Variants in RFX3 observed in about 807,000 individuals in gnomAD.
RFX3 encodes regulatory factor X3, also known as transcription factor RFX3.
A neutral mutation model predicts 98.6 loss-of-function variants in RFX3; 14 were observed. The ratio of observed to expected loss-of-function variants is 0.14; its 90% CI spans 0.09 to 0.22. The LOEUF is 0.22. Ranked by LOEUF, RFX3 falls within the 10% of genes least tolerant of loss-of-function variation. The probability of loss-of-function intolerance (pLI) is 1.00; values close to 1 mark genes in which losing one functional copy is unlikely to be tolerated. For synonymous variants in RFX3, 383 were observed against 328.4 expected, an observed-to-expected ratio of 1.17 and a Z score of -1.80; for missense variants, 639 against 926.9, an observed-to-expected ratio of 0.69 and a Z score of 4.03.
At chr9:3,338,828 G>A (rs943056179) in intron 3 of RFX3, among the ~76,000 whole-genome samples, 5 of 152,150 alleles carry the variant, frequency 3.3e-5, no homozygotes, top group African/African-American at 4.8e-5. Flanking sequence ...GGTGGCTCAC[G>A]CCTGTAATCT....
rs975244157 is a variant in RFX3 at position 3,224,549 on chromosome 9, A to C, written c.*493T>G. On this transcript the variant is annotated 3_prime_UTR_variant, in exon 17 of 17. Coordinates refer to ENST00000617270, the MANE Select transcript of RFX3 (RefSeq NM_001282116.2). ...CAAAATGTTATCAAAATAGTGTCTT[A>C]TGGTTCTGTCCAATGAAAAGCACCT... is the stretch of plus-strand genomic sequence containing the variant. The C allele has an allele frequency of 3.8e-5, 6 of 158,376 alleles. No homozygotes were observed. Among genetic ancestry groups the C allele is most frequent in the Non-Finnish European group, 8.4e-5 (6 of 71,650 alleles). 9.8% of individuals were successfully genotyped at this position (158,376 alleles called of 1,614,324 possible).
chr9:3,449,649 C>A (rs1846388850), intron 1 of RFX3, among the ~76,000 whole-genome samples: 1 of 152,060 alleles, frequency 6.6e-6, no homozygotes, highest in Non-Finnish European at 1.5e-5. Context: ...CTCAGGAGTT[C>A]AAGACCAGCC....
At chr9:3,299,207 C>T (rs909995172) in intron 5 of RFX3, among the ~76,000 whole-genome samples, 2 of 151,634 alleles carry the variant, frequency 1.3e-5, no homozygotes, top group African/African-American at 4.8e-5. Context: ...AACATAAAAA[C>T]ACCAGTTAAA....
intron 3 of RFX3, among the ~76,000 whole-genome samples, chr9:3,332,845 G>T (rs774031665): frequency 1.3e-5 from 2 of 152,104 alleles, no homozygotes; most frequent in African/African-American, 2.4e-5. Context: ...TGCCTGAAAG[G>T]CCCTTTCATT....
intron 16 of RFX3, among the ~76,000 whole-genome samples, chr9:3,225,630 C>T (rs1817677105): frequency 6.6e-6 from 1 of 152,066 alleles, no homozygotes; most frequent in African/African-American, 2.4e-5. Context: ...GTATGTTATG[C>T]TGGCTTTTGG....
chr9:3,514,880 T>G (rs2133867277), intron 1 of RFX3, among the ~76,000 whole-genome samples: 1 of 152,336 alleles, frequency 6.6e-6, no homozygotes, highest in African/African-American at 2.4e-5. Context: ...ATATTGTGCT[T>G]TTAAAGTTGT....
chr9:3,352,299 C>T (rs1835242210), intron 2 of RFX3, among the ~76,000 whole-genome samples: 1 of 151,772 alleles, frequency 6.6e-6, no homozygotes, highest in African/African-American at 2.4e-5. Flanking sequence ...TATGTGTATA[C>T]AAATTCATAT....
intron 1 of RFX3, among the ~76,000 whole-genome samples, chr9:3,478,947 T>C (rs1849505219): frequency 6.6e-6 from 1 of 152,138 alleles, no homozygotes; most frequent in Non-Finnish European, 1.5e-5. Context: ...TCAAATCAAA[T>C]ATCCAGCCAC....
chr9:3,394,674 G>A (rs143368172), intron 2 of RFX3: 5,060 of 225,022 alleles, frequency 0.022, 108 homozygotes, highest in African/African-American at 0.06. Context: ...ATTTATAATT[G>A]TAAGAGCAAC....
intron 1 of RFX3, among the ~76,000 whole-genome samples, chr9:3,522,845 T>C (rs902189011): frequency 1.3e-5 from 2 of 152,206 alleles, no homozygotes; most frequent in African/African-American, 4.8e-5. Flanking sequence ...CTATTGTTAA[T>C]GGTAAAAAAA....
chr9:3,264,747 G>A (rs1409680311), intron 12 of RFX3, among the ~76,000 whole-genome samples: 1 of 152,128 alleles, frequency 6.6e-6, no homozygotes, highest in Non-Finnish European at 1.5e-5. Flanking sequence ...AGGGTAAATT[G>A]TCTCTGTTAA....
At chr9:3,330,640 G>A (rs1470423563) in intron 3 of RFX3, 123 bp from the exon 4 acceptor site, 9 of 859,742 alleles carry the variant, frequency 1.0e-5, no homozygotes, top group East Asian at 8.0e-5. Context: ...GGCAAGTTTC[G>A]CATTTTGTAC....
intron 1 of RFX3, among the ~76,000 whole-genome samples, chr9:3,400,433 A>G (rs942819595): frequency 6.6e-6 from 1 of 152,248 alleles, no homozygotes; most frequent in Non-Finnish European, 1.5e-5. Flanking sequence ...CTAGTCCTGC[A>G]CAACCAAGTA....
intron 1 of RFX3, among the ~76,000 whole-genome samples, chr9:3,406,020 ACTT>A (rs1374410163): frequency 1.3e-5 from 2 of 152,090 alleles, no homozygotes; most frequent in East Asian, 3.9e-4. Flanking sequence ...AGTGGCACAA[ACTT>A]GGCTCACTCT....
intron 3 of RFX3, among the ~76,000 whole-genome samples, chr9:3,339,698 T>A (rs1321742428): frequency 6.6e-6 from 1 of 152,094 alleles, no homozygotes; most frequent in East Asian, 1.9e-4. Context: ...GCTTACATTC[T>A]AGTGGGGGAG....
At chr9:3,395,767 T>C (rs1840794727) in intron 1 of RFX3, among the ~76,000 whole-genome samples, 171 bp from the exon 2 acceptor site, 1 of 152,244 alleles carries the variant, frequency 6.6e-6, no homozygotes, top group Non-Finnish European at 1.5e-5. Flanking sequence ...CTGACCACTT[T>C]ATAAATAATT....
At chr9:3,403,767 T>C (rs1051854412) in intron 1 of RFX3, among the ~76,000 whole-genome samples, 3 of 152,142 alleles carry the variant, frequency 2.0e-5, no homozygotes, top group Admixed American at 6.6e-5. Context: ...GAGGCAAAGA[T>C]TGGCTTAAAA....
chr9:3,382,408 A>G (rs1160163490), intron 2 of RFX3, among the ~76,000 whole-genome samples: 8 of 152,178 alleles, frequency 5.3e-5, no homozygotes. Flanking sequence ...TTAAAAAAAT[A>G]CTGATCAATT....
At chr9:3,394,808 C>T in intron 2 of RFX3, 2 of 984,074 alleles carry the variant, frequency 2.0e-6, no homozygotes, top group Non-Finnish European at 2.4e-6. Flanking sequence ...AAATCACAGG[C>T]CAGTGTGTTC....
Sources: gnomAD v4.1 joint callset for allele counts (sites outside exome capture counted in the v4.1 genomes callset) on GRCh38, gnomAD v4.1.1 for gene constraint, MANE v1.5 for transcripts, NCBI Gene and HGNC (gene_info 2026-07-23, HGNC 2026-07-21) for gene names.